The following ASTN2 variants were observed in gnomAD, a reference collection of about 807,000 sequenced individuals.
ASTN2 encodes the protein astrotactin 2, also known as astrotactin-2.
ASTN2 carries 54 observed loss-of-function variants against 139.8 expected under a neutral mutation model. That is an observed-to-expected ratio of 0.39 (90% CI 0.31 to 0.48). ASTN2 has a LOEUF of 0.48. Among genes scored for constraint, ASTN2 ranks in the 20% least tolerant of loss-of-function variants. ASTN2 has a pLI of 0.95. For synonymous variants in ASTN2, 756 were observed against 719.5 expected, an observed-to-expected ratio of 1.05 and a Z score of -0.81; for missense variants, 1,565 against 1,725.1, an observed-to-expected ratio of 0.91 and a Z score of 1.64.
intron 19 of ASTN2, among the ~76,000 whole-genome samples, chr9:116,577,759 T>C (rs941483857): frequency 6.6e-6 from 1 of 152,178 alleles, no homozygotes; most frequent in Non-Finnish European, 1.5e-5. Flanking sequence ...GTCCCTATTT[T>C]ACAGATGAGC....
chr9:116,955,036 C>T (rs1332834383), intron 10 of ASTN2, among the ~76,000 whole-genome samples: 1 of 152,184 alleles, frequency 6.6e-6, no homozygotes, highest in Non-Finnish European at 1.5e-5. Context: ...CCACTTTTGG[C>T]AGAATGAGAA....
intron 11 of ASTN2, among the ~76,000 whole-genome samples, chr9:116,845,848 T>C (rs183264870): frequency 1.3e-5 from 2 of 152,346 alleles, no homozygotes; most frequent in East Asian, 1.9e-4. Context: ...AACTACCATA[T>C]GATCTAGCAA....
chr9:116,789,571 A>G (rs1393144734), intron 13 of ASTN2, among the ~76,000 whole-genome samples: 2 of 152,232 alleles, frequency 1.3e-5, no homozygotes, highest in African/African-American at 2.4e-5. Flanking sequence ...TTCACATCCA[A>G]TAAACTGTGA....
intron 7 of ASTN2, among the ~76,000 whole-genome samples, chr9:116,993,874 A>ATTTTT (rs200536593): frequency 7.4e-6 from 1 of 134,356 alleles, no homozygotes; most frequent in African/African-American, 2.7e-5. Context: ...ATATATATAT[A>ATTTTT]TATTTTAACT....
intron 1 of ASTN2, among the ~76,000 whole-genome samples, chr9:117,407,995 C>G (rs1191899931): frequency 6.6e-6 from 1 of 152,134 alleles, no homozygotes; most frequent in African/African-American, 2.4e-5. Context: ...CCACCCACCC[C>G]CAAAGGCAGC....
chr9:116,505,792 T>G (rs1472918117), intron 19 of ASTN2, among the ~76,000 whole-genome samples: 1 of 152,126 alleles, frequency 6.6e-6, no homozygotes, highest in Non-Finnish European at 1.5e-5. Flanking sequence ...CTGACTACAC[T>G]TCAATGACTG....
intron 2 of ASTN2, among the ~76,000 whole-genome samples, chr9:117,218,197 T>C (rs1368008165): frequency 6.6e-6 from 1 of 152,226 alleles, no homozygotes; most frequent in East Asian, 1.9e-4. Flanking sequence ...ACCCCCTGGT[T>C]TGGGAGGCAC....
intron 10 of ASTN2, among the ~76,000 whole-genome samples, chr9:116,935,219 T>C (rs776491163): frequency 1.2e-4 from 19 of 152,326 alleles, no homozygotes; most frequent in Non-Finnish European, 2.6e-4. Flanking sequence ...CATCTCATGG[T>C]TCAATACATA....
chr9:117,010,762 G>C (rs1041764465), intron 6 of ASTN2, among the ~76,000 whole-genome samples: 15 of 152,202 alleles, frequency 9.9e-5, no homozygotes, highest in Admixed American at 9.2e-4. Flanking sequence ...GGCAAAAGGA[G>C]AGGTCAAACT....
At chr9:117,124,289 G>A (rs1045527599) in intron 4 of ASTN2, among the ~76,000 whole-genome samples, 6 of 151,980 alleles carry the variant, frequency 3.9e-5, no homozygotes, top group Admixed American at 2.0e-4. Context: ...GTTATGGGAC[G>A]ATTTCTACAT....
chr9:116,455,546 T>C (rs1221708452), intron 20 of ASTN2, among the ~76,000 whole-genome samples: 1 of 152,096 alleles, frequency 6.6e-6, no homozygotes, highest in Non-Finnish European at 1.5e-5. Flanking sequence ...ACTATTCTCA[T>C]GTCACTTCCA....
intron 5 of ASTN2, among the ~76,000 whole-genome samples, chr9:117,078,798 C>T (rs1022191354): frequency 5.3e-5 from 8 of 152,242 alleles, no homozygotes; most frequent in South Asian, 4.1e-4. Context: ...TGCAGTGGCA[C>T]GACTTTGGCT....
Position 116,765,463 on chromosome 9 carries a change from C to T in ASTN2, c.2397-31940G>A, listed in dbSNP as rs12351719. 2.5e-3 allele frequency among the ~76,000 whole-genome samples: 381 copies of T among 152,212 alleles called. 2 individuals are homozygous for T. The highest frequency in any genetic ancestry group is 8.0e-3 in the African/African-American group (333 of 41,550). On this transcript the variant is annotated intron_variant, in intron 13 of 22. Coordinates refer to ENST00000313400, the MANE Select transcript of ASTN2 (RefSeq NM_001365068.1). ...CTTAAGGGTATGTGATATTGGGTATCAACATTTAAATATGCATATCTCTTG... is the reference window on the plus strand; with the variant it reads ...CTTAAGGGTATGTGATATTGGGTATTAACATTTAAATATGCATATCTCTTG...
intron 5 of ASTN2, among the ~76,000 whole-genome samples, chr9:117,042,749 C>A (rs1468283523): frequency 6.6e-6 from 1 of 152,116 alleles, no homozygotes; most frequent in African/African-American, 2.4e-5. Flanking sequence ...CAGGGGTTGG[C>A]ACCTTGCATT....
At chr9:116,703,996 A>G (rs1827923220) in intron 16 of ASTN2, among the ~76,000 whole-genome samples, 2 of 152,212 alleles carry the variant, frequency 1.3e-5, no homozygotes, top group African/African-American at 4.8e-5. Context: ...TGTCAATATC[A>G]TTAATATTCA....
chr9:117,331,825 AGG>A (rs1318197234), intron 1 of ASTN2, among the ~76,000 whole-genome samples: 1 of 152,160 alleles, frequency 6.6e-6, no homozygotes, highest in African/African-American at 2.4e-5. Flanking sequence ...TTAGGGAGGG[AGG>A]GTCTCATCTC....
At chr9:117,323,108 T>A (rs970131774) in intron 1 of ASTN2, among the ~76,000 whole-genome samples, 1 of 152,302 alleles carries the variant, frequency 6.6e-6, no homozygotes, top group East Asian at 1.9e-4. Context: ...GTCTGAAGTG[T>A]ATCCATTCCC....
At chr9:117,236,576 G>A (rs764229809) in intron 2 of ASTN2, among the ~76,000 whole-genome samples, 23 of 152,246 alleles carry the variant, frequency 1.5e-4, no homozygotes, top group Non-Finnish European at 2.1e-4. Context: ...TGAGGGTAGC[G>A]GTGTTTCTGC....
chr9:116,666,438 T>C (rs763972623), intron 16 of ASTN2, among the ~76,000 whole-genome samples: 2 of 152,232 alleles, frequency 1.3e-5, no homozygotes, highest in Non-Finnish European at 2.9e-5. Flanking sequence ...TCCTATGACT[T>C]TGACATAATG....
Sources: gnomAD v4.1 joint callset for allele counts (sites outside exome capture counted in the v4.1 genomes callset) on GRCh38, gnomAD v4.1.1 for gene constraint, MANE v1.5 for transcripts, NCBI Gene and HGNC (gene_info 2026-07-23, HGNC 2026-07-21) for gene names.